The following MAN1A1 variants were observed in gnomAD, a reference collection of about 807,000 sequenced individuals.
MAN1A1 encodes mannosyl-oligosaccharide 1,2-alpha-mannosidase IA.
Under a neutral mutation model 70.8 loss-of-function variants are expected in MAN1A1, and 29 were observed. That is an observed-to-expected ratio of 0.41 (90% confidence interval 0.31 to 0.56). The LOEUF is 0.56. Among genes scored for constraint, MAN1A1 ranks in the 20% least tolerant of loss-of-function variants. The pLI is 0.29. For missense variants in MAN1A1, 747 were observed against 841.3 expected (o/e 0.89, Z 1.39); for synonymous variants, 349 against 330.1 (o/e 1.06, Z -0.62).
intron 4 of MAN1A1, among the ~76,000 whole-genome samples, chr6:119,299,701 T>G (rs1772332282): frequency 6.6e-6 from 1 of 152,192 alleles, no homozygotes; most frequent in South Asian, 2.1e-4. Flanking sequence ...AATTCTTCTC[T>G]TCTACATAGT....
chr6:119,239,302 G>A (rs1274852836), intron 6 of MAN1A1, among the ~76,000 whole-genome samples: 1 of 152,174 alleles, frequency 6.6e-6, no homozygotes, highest in African/African-American at 2.4e-5. Flanking sequence ...ACGCGCAGCT[G>A]CACATTAATT....
chr6:119,187,786 C>T (rs866218778), intron 11 of MAN1A1, among the ~76,000 whole-genome samples: 15 of 152,134 alleles, frequency 9.9e-5, no homozygotes, highest in African/African-American at 3.1e-4. Flanking sequence ...CTCAGGCATT[C>T]GGCACACAAA....
At chr6:119,271,837 T>G (rs1237412576) in intron 5 of MAN1A1, among the ~76,000 whole-genome samples, 1 of 151,976 alleles carries the variant, frequency 6.6e-6, no homozygotes, top group Non-Finnish European at 1.5e-5. Context: ...ACCTATAGGC[T>G]CAAAATTTGG....
At position 119,228,942 on chromosome 6, in the gene MAN1A1, C is replaced by T. The variant is rs149311874; in HGVS notation, c.992+19318G>A. 1.6e-4 allele frequency among the ~76,000 whole-genome samples: 25 copies of T among 152,172 alleles called. 1 individual carries two copies. The highest frequency in any genetic ancestry group is 5.8e-4 in the African/African-American group (24 of 41,514). On this transcript the variant is annotated intron_variant, in intron 6 of 12. Transcript: ENST00000368468. ...TTCTCTCATTGAGGGCAAACAGAAG[C>T]CTGCTTTTTTATTTTTATTAAAAAG...
chr6:119,234,101 T>A (rs1562203847), intron 6 of MAN1A1, among the ~76,000 whole-genome samples: 1 of 152,164 alleles, frequency 6.6e-6, no homozygotes, highest in Non-Finnish European at 1.5e-5. Context: ...TCCTACCAGA[T>A]AATTTGAAAA....
Position 119,187,558 on chromosome 6 carries a change from T to C in MAN1A1, c.1719+847A>G, listed in dbSNP as rs534911938. ...GCTTCCTAAGATATTAGTTAAATTT[T>C]ACCAAAGGCAATATTCATTTTAGAT... On this transcript the variant is annotated intron_variant, in intron 11 of 12. Coordinates refer to ENST00000368468, the MANE Select transcript of MAN1A1 (RefSeq NM_005907.4). 3.3e-5 allele frequency among the ~76,000 whole-genome samples: 5 copies of C among 152,350 alleles called. No individual in the cohort carries two copies. The East Asian group carries it at 9.6e-4, about 29-fold the overall frequency.
chr6:119,308,838 T>C (rs1163051284), intron 2 of MAN1A1, among the ~76,000 whole-genome samples: 1 of 152,208 alleles, frequency 6.6e-6, no homozygotes, highest in South Asian at 2.1e-4. Context: ...GCTTTTGGAA[T>C]ATACTGAACA....
intron 11 of MAN1A1, among the ~76,000 whole-genome samples, chr6:119,185,638 G>A (rs988831153): frequency 6.6e-6 from 1 of 151,914 alleles, no homozygotes; most frequent in Non-Finnish European, 1.5e-5. Context: ...GTGCAGTGGC[G>A]TGATCTCGGC....
intron 4 of MAN1A1, among the ~76,000 whole-genome samples, chr6:119,296,448 C>T (rs6569067): frequency 0.39 from 58,575 of 151,934 alleles, 11,782 homozygotes; most frequent in African/African-American, 0.41. Flanking sequence ...GGATAATTAA[C>T]TTAGTTATCT....
intron 2 of MAN1A1, among the ~76,000 whole-genome samples, chr6:119,334,108 A>G (rs1773390644): frequency 6.6e-6 from 1 of 152,230 alleles, no homozygotes; most frequent in Admixed American, 6.5e-5. Flanking sequence ...TAAAATTACA[A>G]TGGTTTATTT....
intron 5 of MAN1A1, among the ~76,000 whole-genome samples, chr6:119,259,216 G>C (rs1775540980): frequency 1.3e-5 from 2 of 152,086 alleles, no homozygotes; most frequent in Admixed American, 1.3e-4. Flanking sequence ...CTTCTGAGTT[G>C]CTGACTCATT....
At chr6:119,240,930 A>C (rs1774986643) in intron 6 of MAN1A1, among the ~76,000 whole-genome samples, 1 of 152,138 alleles carries the variant, frequency 6.6e-6, no homozygotes. Flanking sequence ...ATCTGGTGGG[A>C]GGGTAATCCC....
At chr6:119,338,157 G>C (rs1396983606) in intron 2 of MAN1A1, among the ~76,000 whole-genome samples, 2 of 150,804 alleles carry the variant, frequency 1.3e-5, no homozygotes, top group East Asian at 3.9e-4. Flanking sequence ...AAATAATATA[G>C]TACATTTATG....
At chr6:119,228,099 A>C (rs1311274864) in intron 6 of MAN1A1, among the ~76,000 whole-genome samples, 1 of 152,228 alleles carries the variant, frequency 6.6e-6, no homozygotes, top group Non-Finnish European at 1.5e-5. Flanking sequence ...TATTCAACTA[A>C]AAGTTAAACA....
At chr6:119,239,157 C>T (rs1381319534) in intron 6 of MAN1A1, among the ~76,000 whole-genome samples, 4 of 151,866 alleles carry the variant, frequency 2.6e-5, no homozygotes, top group East Asian at 1.9e-4. Flanking sequence ...GGATTACAGG[C>T]GTGAGCCACC....
intron 2 of MAN1A1, among the ~76,000 whole-genome samples, chr6:119,347,083 A>G (rs559240013): frequency 6.6e-6 from 1 of 152,322 alleles, no homozygotes; most frequent in South Asian, 2.1e-4. Flanking sequence ...TCAGAAAAGC[A>G]GATATGCTGA....
rs79889009 is a variant in MAN1A1, at chr6:119,217,639, C to G, written c.993-12757G>C. Among the ~76,000 whole-genome samples, 198 of 152,276 alleles carry G rather than the reference C, an allele frequency of 1.3e-3. 1 individual carries two copies. The East Asian group carries it at 0.025, about 19-fold the overall frequency. ...ATTTACATATTGAGTGTTACTCCCT[C>G]TTTCACTTCTATTATGCTTTATAAT... On this transcript the variant is annotated intron_variant, in intron 6 of 12. Coordinates refer to ENST00000368468, the MANE Select transcript of MAN1A1 (RefSeq NM_005907.4).
At chr6:119,326,890 T>A (rs1443107613) in intron 2 of MAN1A1, among the ~76,000 whole-genome samples, 1 of 152,152 alleles carries the variant, frequency 6.6e-6, no homozygotes, top group Non-Finnish European at 1.5e-5. Flanking sequence ...CAAGACCACA[T>A]GATTTACCAC....
At chr6:119,182,993 T>C (rs1773190970) in intron 11 of MAN1A1, among the ~76,000 whole-genome samples, 1 of 152,060 alleles carries the variant, frequency 6.6e-6, no homozygotes, top group Non-Finnish European at 1.5e-5. Context: ...TGGAGGAAAA[T>C]AAGGCTCTAA....
Sources: gnomAD v4.1 joint callset for allele counts (sites outside exome capture counted in the v4.1 genomes callset) on GRCh38, gnomAD v4.1.1 for gene constraint, MANE v1.5 for transcripts, NCBI Gene and HGNC (gene_info 2026-07-23, HGNC 2026-07-21) for gene names.